The following TBC1D22A variants were observed in gnomAD, a reference collection of about 807,000 sequenced individuals.
TBC1D22A encodes the protein putative GTPase activator.
In TBC1D22A, 38 loss-of-function variants were observed where a neutral mutation model predicts 60.2. The ratio of observed to expected loss-of-function variants is 0.63; its 90% CI spans 0.49 to 0.83. TBC1D22A has a LOEUF of 0.83. Among genes scored for constraint, TBC1D22A ranks in the 40% least tolerant of loss-of-function variants. The probability of loss-of-function intolerance (pLI) is 0.00; values close to 1 mark genes in which losing one functional copy is unlikely to be tolerated. For missense variants in TBC1D22A, 628 were observed against 701.0 expected, an observed-to-expected ratio of 0.90 and a Z score of 1.18; for synonymous variants, 302 against 281.7, an observed-to-expected ratio of 1.07 and a Z score of -0.72.
chr22:46,974,928 C>G (rs1419137200), intron 9 of TBC1D22A, among the ~76,000 whole-genome samples: 2 of 152,232 alleles, frequency 1.3e-5, no homozygotes, highest in Non-Finnish European at 2.9e-5. Context: ...CCCTGCGGGT[C>G]TCTGCATCAG....
At chr22:46,936,590 C>T (rs2071670771) in intron 8 of TBC1D22A, among the ~76,000 whole-genome samples, 1 of 152,238 alleles carries the variant, frequency 6.6e-6, no homozygotes, top group South Asian at 2.1e-4. Flanking sequence ...GAGCGTGAGA[C>T]AGACTCATGG....
chr22:46,809,663 A>G (rs369971293), intron 4 of TBC1D22A, among the ~76,000 whole-genome samples: 11 of 152,162 alleles, frequency 7.2e-5, no homozygotes, highest in Admixed American at 7.2e-4. Context: ...GGGCTTCGAC[A>G]TTTACTAACA....
At chr22:46,901,105 G>A (rs2068967428) in intron 7 of TBC1D22A, among the ~76,000 whole-genome samples, 1 of 152,142 alleles carries the variant, frequency 6.6e-6, no homozygotes, top group Non-Finnish European at 1.5e-5. Flanking sequence ...CTAGTATTGA[G>A]CCAACTGTAT....
chr22:46,833,195 G>A (rs2086383724), intron 4 of TBC1D22A, among the ~76,000 whole-genome samples: 1 of 152,220 alleles, frequency 6.6e-6, no homozygotes, highest in Non-Finnish European at 1.5e-5. Context: ...TGACTAGGCA[G>A]TGTTTAGAAT....
intron 11 of TBC1D22A, among the ~76,000 whole-genome samples, chr22:47,038,494 AG>A (rs1463769939): frequency 2.0e-5 from 3 of 152,206 alleles, no homozygotes; most frequent in African/African-American, 7.2e-5. Context: ...CATTCTGACC[AG>A]CTGCTCCCAC....
chr22:47,039,133 C>T (rs1018783930), intron 11 of TBC1D22A, among the ~76,000 whole-genome samples: 1 of 152,152 alleles, frequency 6.6e-6, no homozygotes, highest in African/African-American at 2.4e-5. Flanking sequence ...GGTTCTGCAC[C>T]ACCTACTTAA....
At chr22:47,046,762 C>T (rs1027286992) in intron 11 of TBC1D22A, among the ~76,000 whole-genome samples, 2 of 152,198 alleles carry the variant, frequency 1.3e-5, no homozygotes, top group African/African-American at 4.8e-5. Context: ...AGCCAGAGAG[C>T]CGTTGACATC....
intron 11 of TBC1D22A, among the ~76,000 whole-genome samples, chr22:47,095,866 G>T (rs541193221): frequency 6.6e-5 from 10 of 152,324 alleles, no homozygotes; most frequent in African/African-American, 2.2e-4. Context: ...GACAGCAGAG[G>T]GGGCAGAACC....
At chr22:47,011,733 T>C (rs2061758097) in intron 10 of TBC1D22A, among the ~76,000 whole-genome samples, 1 of 152,212 alleles carries the variant, frequency 6.6e-6, no homozygotes, top group Non-Finnish European at 1.5e-5. Context: ...ATGATTTTCT[T>C]TGGGTTTTCT....
chr22:47,066,278 G>A (rs1319938630), intron 11 of TBC1D22A, among the ~76,000 whole-genome samples: 1 of 152,252 alleles, frequency 6.6e-6, no homozygotes, highest in Non-Finnish European at 1.5e-5. Flanking sequence ...GCTCACGCAG[G>A]AGGATGTGGT....
At chr22:46,852,120 G>T (rs771737846) in intron 4 of TBC1D22A, among the ~76,000 whole-genome samples, 14 of 152,218 alleles carry the variant, frequency 9.2e-5, no homozygotes, top group Non-Finnish European at 1.9e-4. Context: ...TTTCCCAGGC[G>T]TGCTGCAGCT....
intron 11 of TBC1D22A, among the ~76,000 whole-genome samples, chr22:47,101,825 G>A (rs2065429182): frequency 6.6e-6 from 1 of 152,164 alleles, no homozygotes; most frequent in African/African-American, 2.4e-5. Flanking sequence ...CTGACTGTTA[G>A]GATCCGCCCA....
intron 4 of TBC1D22A, among the ~76,000 whole-genome samples, chr22:46,811,960 G>A (rs936170743): frequency 1.4e-4 from 21 of 152,036 alleles, no homozygotes; most frequent in Admixed American, 1.3e-3. Context: ...ACTTAATCCC[G>A]CCGTAGCCTC....
At chr22:46,775,698 G>A (rs150286639) in intron 1 of TBC1D22A, among the ~76,000 whole-genome samples, 2 of 152,212 alleles carry the variant, frequency 1.3e-5, no homozygotes, top group African/African-American at 4.8e-5. Flanking sequence ...GTAACAGCTT[G>A]TGCATCAGCC....
intron 8 of TBC1D22A, among the ~76,000 whole-genome samples, chr22:46,916,455 G>T (rs1453718241): frequency 1.3e-5 from 2 of 152,248 alleles, no homozygotes; most frequent in African/African-American, 2.4e-5. Flanking sequence ...AGGGCAGTTT[G>T]GTCCTGCTGT....
At chr22:47,036,549 G>A (rs1213597497) in intron 10 of TBC1D22A, among the ~76,000 whole-genome samples, 1 of 152,166 alleles carries the variant, frequency 6.6e-6, no homozygotes, top group Non-Finnish European at 1.5e-5. Flanking sequence ...TCCTGCAGTC[G>A]AGGGGTGTCC....
rs139174479 is a variant in TBC1D22A at position 46,890,414 on chromosome 22, ATTAC to A, written c.709-847_709-844del. Among the ~76,000 whole-genome samples, 113 of 152,270 alleles carry A rather than the reference ATTAC, an allele frequency of 7.4e-4. 1 individual carries two copies. Among genetic ancestry groups the A allele is most frequent in the African/African-American group, 2.6e-3 (106 of 41,546 alleles). The stretch of plus-strand genomic sequence containing the variant: ...AAATAAAAAACAACACAGTATAACA[ATTAC>A]TTACATAGCATTTACCTTGTATCAG... On this transcript the variant is annotated intron_variant, in intron 5 of 12. Coordinates refer to ENST00000337137, the MANE Select transcript of TBC1D22A (RefSeq NM_014346.5).
chr22:46,890,486 A>G (rs552873312), intron 5 of TBC1D22A, among the ~76,000 whole-genome samples: 1 of 152,200 alleles, frequency 6.6e-6, no homozygotes, highest in Non-Finnish European at 1.5e-5. Context: ...ATTCAAGCAG[A>G]TGTGCATAAG....
chr22:46,914,993 G>C (rs1237554363), intron 8 of TBC1D22A: 1 of 216,384 alleles, frequency 4.6e-6, no homozygotes, highest in African/African-American at 2.3e-5. Context: ...GAGGAGGCTA[G>C]ATTGAGGCCG....
Sources: gnomAD v4.1 joint callset for allele counts (sites outside exome capture counted in the v4.1 genomes callset) on GRCh38, gnomAD v4.1.1 for gene constraint, MANE v1.5 for transcripts, NCBI Gene and HGNC (gene_info 2026-07-23, HGNC 2026-07-21) for gene names.